YTHDF3: variants seen among roughly 807,000 people sequenced by gnomAD.
The protein encoded by YTHDF3 is YTH domain-containing family protein 3.
In YTHDF3, 9 loss-of-function variants were observed where a neutral mutation model predicts 52.5. That is an observed-to-expected ratio of 0.17 (90% CI 0.10 to 0.30). The LOEUF (loss-of-function observed/expected upper bound fraction) is 0.30. Ranked by LOEUF, YTHDF3 falls within the 10% of genes least tolerant of loss-of-function variation. The pLI, the probability that YTHDF3 is intolerant of heterozygous loss-of-function variation, is 1.00. For synonymous variants in YTHDF3, 274 were observed against 243.3 expected, an observed-to-expected ratio of 1.13 and a Z score of -1.18; for missense variants, 534 against 715.0, an observed-to-expected ratio of 0.75 and a Z score of 2.89.
At chr8:63,180,258 C>T (rs553886769) in intron 3 of YTHDF3, among the ~76,000 whole-genome samples, 224 of 143,460 alleles carry the variant, frequency 1.6e-3, no homozygotes, top group African/African-American at 4.9e-3. Flanking sequence ...ACTTCTCAGA[C>T]GGGGCGGCCG....
chr8:63,188,702 T>TATATA (rs71255383), intron 4 of YTHDF3: 456 of 44,620 alleles, frequency 0.01, 3 homozygotes, highest in Middle Eastern at 0.028. Context: ...TATATATATA[T>TATATA]TTTTTTTTTT....
At position 63,168,622 on chromosome 8, in the gene YTHDF3, A is replaced by T; in HGVS notation, c.-256A>T. ...GTCAGGGAGGCTCGGAGCGGAAGTG[A>T]GACTAGGGAGTCTGTCCGCCATTGT... On this transcript the variant is annotated 5_prime_UTR_variant, in exon 1 of 5. Transcript: ENST00000539294. The T allele has an allele frequency of 3.2e-6, 2 of 630,468 alleles. No homozygotes were observed. The highest frequency in any genetic ancestry group is 3.8e-5 in the South Asian group (2 of 52,146). 39.1% of individuals were successfully genotyped at this position (630,468 alleles called of 1,614,324 possible).
At chr8:63,169,655 G>C (rs1434181895) in intron 2 of YTHDF3, among the ~76,000 whole-genome samples, 1 of 152,172 alleles carries the variant, frequency 6.6e-6, no homozygotes, top group African/African-American at 2.4e-5. Flanking sequence ...AGCAGGTATT[G>C]GTGTGAACCT....
At chr8:63,192,055 T>C (rs936021299) in intron 4 of YTHDF3, among the ~76,000 whole-genome samples, 11 of 152,196 alleles carry the variant, frequency 7.2e-5, no homozygotes, top group Admixed American at 5.2e-4. Context: ...TTTTAACATA[T>C]GTAGATTTGT....
chr8:63,209,418 T>C (rs1483251305), intron 4 of YTHDF3, among the ~76,000 whole-genome samples: 2 of 152,186 alleles, frequency 1.3e-5, no homozygotes, highest in East Asian at 1.9e-4. Context: ...ATTCTCATCA[T>C]AAACAAACAA....
At chr8:63,180,960 C>G (rs879336935) in intron 3 of YTHDF3, among the ~76,000 whole-genome samples, 15 of 152,116 alleles carry the variant, frequency 9.9e-5, no homozygotes, top group Non-Finnish European at 1.9e-4. Context: ...AGAGGGAGAC[C>G]GTGGAAAGAG....
rs2150407404 is a variant in YTHDF3, at chr8:63,209,746, T to C, written c.*40T>C. The C allele has an allele frequency of 1.9e-6, 3 of 1,549,558 alleles. No individual in the cohort carries two copies. Among genetic ancestry groups the C allele is most frequent in the Non-Finnish European group, 2.6e-6 (3 of 1,152,336 alleles). ...CCTGTTAAATTTACAACACTAACGA[T>C]GTAGACTCTGGAAATGCCTAATAAG... is the stretch of plus-strand genomic sequence containing the variant. On this transcript the variant is annotated 3_prime_UTR_variant, in exon 5 of 5. Coordinates refer to ENST00000539294, the MANE Select transcript of YTHDF3 (RefSeq NM_152758.6).
intron 4 of YTHDF3, among the ~76,000 whole-genome samples, chr8:63,188,310 T>C (rs781335230): frequency 6.6e-6 from 1 of 151,674 alleles, no homozygotes; most frequent in Non-Finnish European, 1.5e-5. Flanking sequence ...AAAACAAGTT[T>C]TTATTTATTT....
intron 4 of YTHDF3, among the ~76,000 whole-genome samples, chr8:63,201,751 A>G (rs751666649): frequency 2.0e-5 from 3 of 152,270 alleles, no homozygotes; most frequent in South Asian, 2.1e-4. Flanking sequence ...AAAATCTACA[A>G]TTAGAGAACT....
chr8:63,179,615 C>T (rs1351862430), intron 3 of YTHDF3, among the ~76,000 whole-genome samples: 1 of 152,218 alleles, frequency 6.6e-6, no homozygotes, highest in African/African-American at 2.4e-5. Context: ...CCCATGTCTA[C>T]CTCTTTCTAC....
chr8:63,201,616 G>T (rs1809648432), intron 4 of YTHDF3, among the ~76,000 whole-genome samples: 1 of 152,126 alleles, frequency 6.6e-6, no homozygotes, highest in African/African-American at 2.4e-5. Context: ...TGACTTCACT[G>T]TTGGTGGCAG....
chr8:63,210,730 A>G lies in YTHDF3; in HGVS notation c.*1024A>G, dbSNP rs1810325284. 6.6e-6 allele frequency: 1 copy of G among 152,618 alleles called. No individual in the cohort carries two copies. Among genetic ancestry groups the G allele is most frequent in the South Asian group, 2.1e-4 (1 of 4,832 alleles). 9.5% of individuals were successfully genotyped at this position (152,618 alleles called of 1,614,324 possible). A position where few individuals can be genotyped will look rare whatever the true frequency, so the allele number is the denominator to read the frequency against. On this transcript the variant is annotated 3_prime_UTR_variant, in exon 5 of 5. Transcript: ENST00000539294. ...AAAATATGGCCTTGATCCATGGATT[A>G]AATCAGTATCTAAGTGAATGTGTTG...
intron 3 of YTHDF3, chr8:63,175,734 T>G: frequency 5.6e-6 from 1 of 178,180 alleles, no homozygotes; most frequent in Non-Finnish European, 1.2e-5. Flanking sequence ...CACTGCTATA[T>G]CTTCATAGCT....
intron 4 of YTHDF3, among the ~76,000 whole-genome samples, chr8:63,199,981 T>C (rs1214721673): frequency 6.6e-6 from 1 of 152,210 alleles, no homozygotes; most frequent in Non-Finnish European, 1.5e-5. Context: ...ACTCATTGGC[T>C]TAAAACATAC....
At chr8:63,172,905 C>A in intron 2 of YTHDF3, 2 of 927,924 alleles carry the variant, frequency 2.2e-6, no homozygotes, top group Non-Finnish European at 2.8e-6. Context: ...ATTAGCTTGT[C>A]ATTAAGTAAA....
At chr8:63,208,387 A>G (rs775325769) in intron 4 of YTHDF3, among the ~76,000 whole-genome samples, 15 of 152,244 alleles carry the variant, frequency 9.9e-5, no homozygotes, top group Non-Finnish European at 1.8e-4. Flanking sequence ...TATATTTGTT[A>G]CAGAACATGT....
At chr8:63,208,048 T>C (rs564837309) in intron 4 of YTHDF3, among the ~76,000 whole-genome samples, 6 of 152,304 alleles carry the variant, frequency 3.9e-5, no homozygotes, top group Non-Finnish European at 7.4e-5. Flanking sequence ...TTTGCTGATA[T>C]GGTGGGATTT....
At chr8:63,188,480 C>G (rs1019561059) in intron 4 of YTHDF3, among the ~76,000 whole-genome samples, 2 of 150,230 alleles carry the variant, frequency 1.3e-5, no homozygotes, top group Non-Finnish European at 3.0e-5. Context: ...TCACACACCA[C>G]CACGCCTGGC....
chr8:63,187,542 G>A lies in YTHDF3; in HGVS notation c.1531G>A (p.Val511Ile), dbSNP rs1239967302. Residue 511 changes from valine to isoleucine, a missense_variant, in exon 4 of 5, where the codon GTT becomes ATT. This residue lies in a region of YTHDF3 where 135 missense variants were observed against 214.2 expected (regional missense o/e 0.63). Coordinates refer to ENST00000539294, the MANE Select transcript of YTHDF3 (RefSeq NM_152758.6). ...FEVKWIFVKD[V>I]PNNQLRHIRL... ...AGTTAAATGGATCTTTGTCAAAGAT[G>A]TTCCCAATAACCAATTACGGCATAT... The A allele has an allele frequency of 6.2e-7, 1 of 1,613,932 alleles. No homozygotes were observed. The highest frequency in any genetic ancestry group is 1.1e-5 in the South Asian group (1 of 91,090).
Sources: gnomAD v4.1 joint callset for allele counts (sites outside exome capture counted in the v4.1 genomes callset) on GRCh38, gnomAD v4.1.1 for gene constraint, gnomAD v4.1.1 regional missense constraint, MANE v1.5 for transcripts, NCBI Gene and HGNC (gene_info 2026-07-23, HGNC 2026-07-21) for gene names.